Variants in AP3B2 observed in about 807,000 individuals in gnomAD.
AP3B2 encodes the protein AP-3 complex subunit beta-2.
AP3B2 carries 50 observed loss-of-function variants against 126.9 expected under a neutral mutation model. The ratio of observed to expected loss-of-function variants is 0.39; its 90% CI spans 0.31 to 0.50. The LOEUF (loss-of-function observed/expected upper bound fraction) is 0.50. Among genes scored for constraint, AP3B2 ranks in the 20% least tolerant of loss-of-function variants. The probability of loss-of-function intolerance (pLI) is 0.79; values close to 1 mark genes in which losing one functional copy is unlikely to be tolerated. For synonymous variants in AP3B2, 541 were observed against 565.0 expected (o/e 0.96, Z 0.60); for missense variants, 1,177 against 1,426.4 (o/e 0.83, Z 2.82).
intron 25 of AP3B2, among the ~76,000 whole-genome samples, chr15:82,660,340 G>A (rs1302707742): frequency 6.6e-6 from 1 of 152,056 alleles, no homozygotes; most frequent in Non-Finnish European, 1.5e-5. Context: ...ATCTTTCCTG[G>A]GGGGCCCTCC....
chr15:82,662,646 A>C, intron 23 of AP3B2, 48 bp downstream of exon 23: 1 of 1,530,340 alleles, frequency 6.5e-7, no homozygotes. Flanking sequence ...AGAAAGACTG[A>C]CTCTGCCCAG....
chr15:82,709,572 G>C, intron 1 of AP3B2, 22 bp downstream of exon 1: 1 of 1,477,170 alleles, frequency 6.8e-7, no homozygotes, highest in Non-Finnish European at 9.0e-7. Context: ...CCTCCCGCGA[G>C]CTTCCTGGCG....
intron 11 of AP3B2, 125 bp from the exon 12 acceptor site, chr15:82,677,928 C>G: frequency 7.5e-7 from 1 of 1,339,524 alleles, no homozygotes; most frequent in Non-Finnish European, 1.0e-6. Flanking sequence ...AAGGGGGTGA[C>G]AACTCCACCC....
At chr15:82,704,319 C>A (rs1400865709) in intron 1 of AP3B2, among the ~76,000 whole-genome samples, 1 of 152,162 alleles carries the variant, frequency 6.6e-6, no homozygotes, top group Non-Finnish European at 1.5e-5. Context: ...GCCCTCAAAC[C>A]CCATAACAGG....
In AP3B2 at chr15:82,681,711, G is replaced by A; in HGVS notation, c.361-131C>T. 9.7e-7 allele frequency: 1 copy of A among 1,036,004 alleles called. No individual in the cohort carries two copies. The highest frequency in any genetic ancestry group is 2.6e-5 in the East Asian group (1 of 38,912). The allele number at this position is 1,036,004 out of a possible 1,614,324, so 64.2% of individuals were successfully genotyped here. A position where few individuals can be genotyped will look rare whatever the true frequency, so the allele number is the denominator to read the frequency against. ...TTCCCTGCCGCTTGACTGGAGCCTG[G>A]ATGGTGTGCCAGTGATGGGTATCTG... On this transcript the variant is annotated intron_variant, in intron 4 of 26. Transcript: ENST00000535359. The surrounding 1 kb of genome is among the most constrained non-coding windows in gnomAD (Gnocchi z 4.0).
intron 14 of AP3B2, among the ~76,000 whole-genome samples, chr15:82,671,741 C>CA (rs33972329): frequency 0.061 from 8,690 of 142,484 alleles, 375 homozygotes; most frequent in African/African-American, 0.12. Flanking sequence ...AACACCATCT[C>CA]AAAAAAAAAC....
Position 82,676,461 on chromosome 15 carries a change from C to T in AP3B2, c.1665G>A (p.Gln555=). ...TGGGGGGTCATCTCTTAATCTTTAC[C>T]TGTTTAGAGTTGGTCAGGTAGAGCT... ...AAKLYLTNSK[Q]TKLLTQYVLS... is the part of the protein sequence containing the mutation. Residue 555 remains glutamine (Q), a splice_region_variant and synonymous_variant, in exon 14 of 27, where the codon CAG becomes CAA. Coordinates refer to ENST00000535359, the MANE Select transcript of AP3B2 (RefSeq NM_001278512.2). 6.2e-7 allele frequency: 1 copy of T among 1,613,550 alleles called. No individual in the cohort carries two copies. The highest frequency in any genetic ancestry group is 8.5e-7 in the Non-Finnish European group (1 of 1,179,692).
rs922684912 is a variant in AP3B2, at chr15:82,681,554, A to G, written c.387T>C (p.Ser129=). ...LKDPNQLIRA[S]ALRVLSSIRV... ...GGATGCTAGAGAGGACACGGAGGGC[A>G]CTGGCACGAATCAGCTGGTTGGGAT... Residue 129 remains serine, a synonymous_variant, in exon 5 of 27, where the codon AGT becomes AGC. Coordinates refer to ENST00000535359, the MANE Select transcript of AP3B2 (RefSeq NM_001278512.2). The surrounding 1 kb of genome is among the most constrained non-coding windows in gnomAD (Gnocchi z 4.0). 13 of 1,613,666 alleles carry G rather than the reference A, an allele frequency of 8.1e-6. No individual in the cohort carries two copies. Among genetic ancestry groups the G allele is most frequent in the Non-Finnish European group, 1.1e-5 (13 of 1,179,862 alleles).
In AP3B2 at chr15:82,708,247, A is replaced by G. The variant is rs191736642; in HGVS notation, c.113+1347T>C. Among the ~76,000 whole-genome samples the G allele has an allele frequency of 5.5e-4, 78 of 140,578 alleles. No individual in the cohort carries two copies. The Middle Eastern group carries it at 0.016, about 29-fold the overall frequency. 92.2% of individuals were successfully genotyped at this position (140,578 alleles called of 152,430 possible). A position where few individuals can be genotyped will look rare whatever the true frequency, so the allele number is the denominator to read the frequency against. On this transcript the variant is annotated intron_variant, in intron 1 of 26. Transcript: ENST00000535359. Reference sequence around the variant, plus strand: ...CCAGAGAACAACCCCCTTTGACTGTAATTTTCCACTACCTACCCAAATCCT... The same window carrying G: ...CCAGAGAACAACCCCCTTTGACTGTGATTTTCCACTACCTACCCAAATCCT...
Position 82,663,888 on chromosome 15 carries a change from G to A in AP3B2, c.2349C>T (p.Ser783=), listed in dbSNP as rs143109436. ...ACTCTGATGAGCTACTGCTGGAATCGCTGCCCTCATCAGAGGATGACGCTT... is the reference window on the plus strand; with the variant it reads ...ACTCTGATGAGCTACTGCTGGAATCACTGCCCTCATCAGAGGATGACGCTT... ...KGEASSSDEG[S]DSSSSSSESE... Residue 783 remains serine, a synonymous_variant, in exon 20 of 27, where the codon AGC becomes AGT. Coordinates refer to ENST00000535359, the MANE Select transcript of AP3B2 (RefSeq NM_001278512.2). 1.0e-3 allele frequency: 1,607 copies of A among 1,613,588 alleles called. No homozygotes were observed. The highest frequency in any genetic ancestry group is 1.2e-3 in the Non-Finnish European group (1,456 of 1,179,852).
chr15:82,694,184 T>A (rs1464296184), intron 1 of AP3B2, among the ~76,000 whole-genome samples: 1 of 151,796 alleles, frequency 6.6e-6, no homozygotes, highest in East Asian at 1.9e-4. Flanking sequence ...TTTGTATTTT[T>A]AGTAGAGTTG....
chr15:82,668,855 T>C (rs551075744), intron 14 of AP3B2, among the ~76,000 whole-genome samples: 4 of 152,252 alleles, frequency 2.6e-5, no homozygotes, highest in African/African-American at 9.6e-5. Context: ...GCTCCAGTTG[T>C]CAGAGAGGAA....
intron 14 of AP3B2, among the ~76,000 whole-genome samples, chr15:82,670,459 G>A (rs2048137744): frequency 6.6e-6 from 1 of 152,168 alleles, no homozygotes; most frequent in South Asian, 2.1e-4. Context: ...AGGGAAAGGA[G>A]AGTCTCTTCA....
chr15:82,707,349 G>C (rs2048812295), intron 1 of AP3B2, among the ~76,000 whole-genome samples: 1 of 152,142 alleles, frequency 6.6e-6, no homozygotes, highest in Non-Finnish European at 1.5e-5. Context: ...AATGCTGCAG[G>C]GTACAGCCCA....
intron 1 of AP3B2, chr15:82,698,091 C>T (rs1465042044): frequency 1.3e-5 from 2 of 152,466 alleles, no homozygotes; most frequent in Non-Finnish European, 2.9e-5. Flanking sequence ...TTGATACCAC[C>T]CACATATACC....
At position 82,689,463 on chromosome 15, in the gene AP3B2, G is replaced by A. The variant is rs778661678; in HGVS notation, c.114-10C>T. The A allele has an allele frequency of 1.2e-6, 2 of 1,612,438 alleles. No homozygotes were observed. The highest frequency in any genetic ancestry group is 2.7e-5 in the African/African-American group (2 of 74,906). On this transcript the variant is annotated splice_polypyrimidine_tract_variant and intron_variant, in intron 1 of 26. Coordinates refer to ENST00000535359, the MANE Select transcript of AP3B2 (RefSeq NM_001278512.2). ...CTTCAGGTCATCATGCCTGGTGGGA[G>A]GTACAAGAAGTCAGCTGAGGGCACA...
chr15:82,675,490 T>G (rs1195122979), intron 14 of AP3B2, among the ~76,000 whole-genome samples: 1 of 152,180 alleles, frequency 6.6e-6, no homozygotes, highest in Non-Finnish European at 1.5e-5. Flanking sequence ...ATGGCAGGGA[T>G]GCTACAGTCT....
chr15:82,676,958 A>T (rs1309879831), intron 13 of AP3B2, among the ~76,000 whole-genome samples: 1 of 152,194 alleles, frequency 6.6e-6, no homozygotes, highest in Admixed American at 6.5e-5. Flanking sequence ...ATCTTTGGGA[A>T]TGCCTTGTTT....
intron 14 of AP3B2, among the ~76,000 whole-genome samples, chr15:82,673,355 C>T (rs2048189312): frequency 6.6e-6 from 1 of 152,102 alleles, no homozygotes; most frequent in Non-Finnish European, 1.5e-5. Flanking sequence ...GCTGAGATTT[C>T]AGCGCACCAC....
Sources: gnomAD v4.1 joint callset for allele counts (sites outside exome capture counted in the v4.1 genomes callset) on GRCh38, gnomAD v4.1.1 for gene constraint, Gnocchi (gnomAD v3.1) non-coding constraint, MANE v1.5 for transcripts, NCBI Gene and HGNC (gene_info 2026-07-23, HGNC 2026-07-21) for gene names.